MCC: variants seen among roughly 807,000 people sequenced by gnomAD.
MCC encodes the protein MCC regulator of Wnt signaling pathway.
Under a neutral mutation model 116.2 loss-of-function variants are expected in MCC, and 90 were observed. The ratio of observed to expected loss-of-function variants is 0.77; its 90% CI spans 0.65 to 0.92. MCC has a LOEUF of 0.92. Ranked by LOEUF, MCC falls within the 40% of genes least tolerant of loss-of-function variation. The pLI, the probability that MCC is intolerant of heterozygous loss-of-function variation, is 0.00. For missense variants in MCC, 1,516 were observed against 1,312.2 expected, an observed-to-expected ratio of 1.16 and a Z score of -2.40; for synonymous variants, 578 against 510.5, an observed-to-expected ratio of 1.13 and a Z score of -1.78.
chr5:113,221,111 G>C (rs1174814762), intron 3 of MCC, among the ~76,000 whole-genome samples: 1 of 152,206 alleles, frequency 6.6e-6, no homozygotes, highest in Non-Finnish European at 1.5e-5. Context: ...GACTGAGGTG[G>C]GAGAATCACC....
At chr5:113,075,309 G>A (rs182742398) in intron 11 of MCC, among the ~76,000 whole-genome samples, 106 of 152,328 alleles carry the variant, frequency 7.0e-4, no homozygotes, top group African/African-American at 1.9e-3. Flanking sequence ...TACCATGCCC[G>A]AGCCCCCCTC....
intron 2 of MCC, among the ~76,000 whole-genome samples, chr5:113,343,179 A>G (rs1369509058): frequency 6.6e-6 from 1 of 152,196 alleles, no homozygotes; most frequent in Non-Finnish European, 1.5e-5. Flanking sequence ...ATCAATGTGA[A>G]TAGGAAAACT....
intron 6 of MCC, among the ~76,000 whole-genome samples, chr5:113,109,992 T>C (rs1366434486): frequency 6.6e-6 from 1 of 152,098 alleles, no homozygotes; most frequent in Non-Finnish European, 1.5e-5. Context: ...AAAATCTTTT[T>C]TTTTTCTCCA....
chr5:113,154,962 C>G (rs1760090419), intron 3 of MCC, among the ~76,000 whole-genome samples: 1 of 152,088 alleles, frequency 6.6e-6, no homozygotes, highest in Non-Finnish European at 1.5e-5. Flanking sequence ...CCCTACTGTG[C>G]TACAGTAGGA....
chr5:113,322,587 G>A (rs923921722), intron 3 of MCC, among the ~76,000 whole-genome samples: 1 of 152,028 alleles, frequency 6.6e-6, no homozygotes, highest in Non-Finnish European at 1.5e-5. Flanking sequence ...AAACTTTCTT[G>A]GGTAAAGTCA....
At chr5:113,283,291 T>A (rs563448424) in intron 3 of MCC, among the ~76,000 whole-genome samples, 1 of 152,162 alleles carries the variant, frequency 6.6e-6, no homozygotes, top group South Asian at 2.1e-4. Context: ...GGATTGATAA[T>A]CCAGAATATG....
At chr5:113,159,204 T>C (rs1760347012) in intron 3 of MCC, among the ~76,000 whole-genome samples, 1 of 152,102 alleles carries the variant, frequency 6.6e-6, no homozygotes, top group Admixed American at 6.5e-5. Context: ...ATTCTTCTGG[T>C]TTTAAACTTG....
intron 3 of MCC, among the ~76,000 whole-genome samples, chr5:113,254,624 A>G (rs1764937858): frequency 6.6e-6 from 1 of 152,186 alleles, no homozygotes; most frequent in Non-Finnish European, 1.5e-5. Flanking sequence ...ACCAAATGTA[A>G]AGAGAATTTG....
chr5:113,237,230 A>G (rs535136481), intron 3 of MCC, among the ~76,000 whole-genome samples: 1 of 152,336 alleles, frequency 6.6e-6, no homozygotes, highest in African/African-American at 2.4e-5. Flanking sequence ...TGGTATAAAT[A>G]TACTACTGAG....
At chr5:113,284,259 A>G (rs1295176515) in intron 3 of MCC, among the ~76,000 whole-genome samples, 1 of 152,164 alleles carries the variant, frequency 6.6e-6, no homozygotes, top group African/African-American at 2.4e-5. Context: ...CTGAGGTGGG[A>G]CGATCACTTG....
intron 8 of MCC, among the ~76,000 whole-genome samples, chr5:113,096,097 A>G (rs969721917): frequency 5.9e-5 from 9 of 152,180 alleles, no homozygotes; most frequent in Admixed American, 3.9e-4. Flanking sequence ...CAGGCTCCAC[A>G]TAGCAGGCAG....
At chr5:113,166,515 C>A (rs181798301) in intron 3 of MCC, among the ~76,000 whole-genome samples, 5 of 151,886 alleles carry the variant, frequency 3.3e-5, no homozygotes, top group Admixed American at 2.0e-4. Context: ...CTTGGAACAG[C>A]GTGGGTGATA....
chr5:113,144,155 G>A (rs1164269682), intron 4 of MCC, among the ~76,000 whole-genome samples: 1 of 152,164 alleles, frequency 6.6e-6, no homozygotes, highest in Non-Finnish European at 1.5e-5. Flanking sequence ...AAAAGAGGCA[G>A]AGGAGCTTCC....
chr5:113,024,606 C>G lies in MCC; in HGVS notation c.*2696G>C, dbSNP rs530899486. The G allele has an allele frequency of 2.6e-5, 4 of 152,300 alleles. No individual in the cohort carries two copies. In the East Asian group the frequency reaches 7.7e-4, roughly 29 times the overall value. The allele number at this position is 152,300 out of a possible 1,614,324, so 9.4% of individuals were successfully genotyped here. ...GGGAGAACAATTCAAAATACGAAAT[C>G]TGAAGGTTTTTAACCTCATATAAAT... is the stretch of plus-strand genomic sequence containing the variant. On this transcript the variant is annotated 3_prime_UTR_variant, in exon 19 of 19. Coordinates refer to ENST00000408903, the MANE Select transcript of MCC (RefSeq NM_001085377.2).
chr5:113,241,588 C>T (rs889550141), intron 3 of MCC, among the ~76,000 whole-genome samples: 1 of 152,194 alleles, frequency 6.6e-6, no homozygotes, highest in African/African-American at 2.4e-5. Flanking sequence ...TGCCTTAACC[C>T]TTCACACATA....
At position 113,221,542 on chromosome 5, in the gene MCC, G is replaced by A. The variant is rs184373753; in HGVS notation, c.628-70120C>T. Among the ~76,000 whole-genome samples the A allele has an allele frequency of 3.8e-3, 581 of 152,336 alleles. 1 individual carries two copies. Among genetic ancestry groups the A allele is most frequent in the Middle Eastern group, 0.014 (4 of 294 alleles). On this transcript the variant is annotated intron_variant, in intron 3 of 18. Transcript: ENST00000408903. ...ATTATGGTTTAGGAGGCATGCAACTGGAGGCTATGAGATTTTAAACCTCTC... is the reference window on the plus strand; with the variant it reads ...ATTATGGTTTAGGAGGCATGCAACTAGAGGCTATGAGATTTTAAACCTCTC...
rs1561753339 is a variant in MCC, at chr5:113,049,261, C to T, written c.2487G>A (p.Leu829=). 3.1e-6 allele frequency: 5 copies of T among 1,611,130 alleles called. No individual in the cohort carries two copies. The highest frequency in any genetic ancestry group is 2.2e-5 in the East Asian group (1 of 44,804). Residue 829 remains leucine (L), a synonymous_variant, in exon 16 of 19, where the codon CTG becomes CTA. Coordinates refer to ENST00000408903, the MANE Select transcript of MCC (RefSeq NM_001085377.2). ...MAELKAQLYL[L]EKEKKALELK... Reference sequence around the variant, plus strand: ...GCTCCAGGGCCTTCTTCTCTTTCTCCAGTAGGTAGAGCTGGGCCTTCAACT... The same window carrying T: ...GCTCCAGGGCCTTCTTCTCTTTCTCTAGTAGGTAGAGCTGGGCCTTCAACT...
chr5:113,043,767 C>A (rs1289537322), intron 16 of MCC, 137 bp from the exon 17 acceptor site: 1 of 616,748 alleles, frequency 1.6e-6, no homozygotes, highest in Non-Finnish European at 2.9e-6. Context: ...CAGGTCATGC[C>A]AAAGGGGAAA....
intron 3 of MCC, among the ~76,000 whole-genome samples, chr5:113,161,371 A>G (rs1760473619): frequency 6.6e-6 from 1 of 152,212 alleles, no homozygotes; most frequent in Non-Finnish European, 1.5e-5. Context: ...ATGAACATGA[A>G]TAAAAGGGTT....
Sources: gnomAD v4.1 joint callset for allele counts (sites outside exome capture counted in the v4.1 genomes callset) on GRCh38, gnomAD v4.1.1 for gene constraint, MANE v1.5 for transcripts, NCBI Gene and HGNC (gene_info 2026-07-23, HGNC 2026-07-21) for gene names.